Variants in PPP3CA observed in about 807,000 individuals in gnomAD.
PPP3CA encodes CAM-PRP catalytic subunit.
PPP3CA carries 14 observed loss-of-function variants against 66.5 expected under a neutral mutation model. The observed-to-expected ratio is 0.21, with a 90% CI of 0.14 to 0.33. PPP3CA has a LOEUF of 0.33. Among genes scored for constraint, PPP3CA ranks in the 10% least tolerant of loss-of-function variants. The probability of loss-of-function intolerance (pLI) is 1.00; values close to 1 mark genes in which losing one functional copy is unlikely to be tolerated. For synonymous variants in PPP3CA, 232 were observed against 226.2 expected (o/e 1.03, Z -0.23); for missense variants, 317 against 639.5 (o/e 0.50, Z 5.44).
At chr4:101,276,770 A>G (rs927534564) in intron 1 of PPP3CA, among the ~76,000 whole-genome samples, 25 of 152,210 alleles carry the variant, frequency 1.6e-4, no homozygotes, top group Non-Finnish European at 3.4e-4. Context: ...GTAAGTACAG[A>G]GTTCCCATTT....
intron 1 of PPP3CA, among the ~76,000 whole-genome samples, chr4:101,317,778 T>A (rs953429280): frequency 6.6e-6 from 1 of 152,184 alleles, no homozygotes; most frequent in African/African-American, 2.4e-5. Context: ...GCACATTGTT[T>A]AATGGTTAAA....
At chr4:101,226,027 G>A (rs1479406259) in intron 1 of PPP3CA, among the ~76,000 whole-genome samples, 1 of 151,708 alleles carries the variant, frequency 6.6e-6, no homozygotes, top group African/African-American at 2.4e-5. Flanking sequence ...TAGTAATGCT[G>A]ACATCCCTGA....
intron 1 of PPP3CA, among the ~76,000 whole-genome samples, chr4:101,218,802 G>A (rs867878725): frequency 2.3e-4 from 35 of 152,144 alleles, no homozygotes; most frequent in African/African-American, 7.5e-4. Flanking sequence ...GCAAGAAAAA[G>A]TGGCAAGTTT....
chr4:101,126,113 A>T (rs1049518650), intron 2 of PPP3CA, among the ~76,000 whole-genome samples: 89 of 152,248 alleles, frequency 5.8e-4, no homozygotes, highest in Non-Finnish European at 5.6e-4. Flanking sequence ...AGTTAAATTA[A>T]CACATGTAAT....
intron 1 of PPP3CA, among the ~76,000 whole-genome samples, chr4:101,278,801 C>A (rs1011309808): frequency 1.3e-5 from 2 of 152,170 alleles, no homozygotes; most frequent in South Asian, 4.1e-4. Flanking sequence ...TATATTTTCC[C>A]TACCATCCCT....
chr4:101,311,962 C>T (rs530767212), intron 1 of PPP3CA, among the ~76,000 whole-genome samples: 10 of 152,238 alleles, frequency 6.6e-5, no homozygotes, highest in East Asian at 5.8e-4. Context: ...AGGCTGAACT[C>T]TCTAATATCT....
intron 10 of PPP3CA, among the ~76,000 whole-genome samples, chr4:101,057,355 C>G (rs1429059994): frequency 6.6e-6 from 1 of 152,182 alleles, no homozygotes; most frequent in Non-Finnish European, 1.5e-5. Context: ...CTGCACCCAG[C>G]AAGATATACT....
At chr4:101,286,060 T>C (rs1727837504) in intron 1 of PPP3CA, among the ~76,000 whole-genome samples, 1 of 152,168 alleles carries the variant, frequency 6.6e-6, no homozygotes, top group Admixed American at 6.5e-5. Flanking sequence ...GATGAAACTG[T>C]TTCACCTCAG....
chr4:101,171,255 C>T (rs1306247015), intron 2 of PPP3CA: 3 of 455,152 alleles, frequency 6.6e-6, no homozygotes, highest in Non-Finnish European at 1.3e-5. Flanking sequence ...TTCAGACTTA[C>T]TGAATAACAA....
At chr4:101,307,440 C>T (rs577768038) in intron 1 of PPP3CA, among the ~76,000 whole-genome samples, 2 of 152,152 alleles carry the variant, frequency 1.3e-5, no homozygotes, top group African/African-American at 4.8e-5. Flanking sequence ...AAATCAGATA[C>T]GTCACCATAG....
intron 1 of PPP3CA, among the ~76,000 whole-genome samples, chr4:101,204,722 T>C (rs1725078772): frequency 6.6e-6 from 1 of 151,530 alleles, no homozygotes; most frequent in African/African-American, 2.4e-5. Context: ...ATTGCATACA[T>C]GGGCATGATA....
In PPP3CA at chr4:101,152,143, A is replaced by T. The variant is rs115028364; in HGVS notation, c.260-43065T>A. Among the ~76,000 whole-genome samples, 672 of 152,356 alleles carry T rather than the reference A, an allele frequency of 4.4e-3. 9 individuals are homozygous for T. Among genetic ancestry groups the T allele is most frequent in the African/African-American group, 0.016 (654 of 41,580 alleles). On this transcript the variant is annotated intron_variant, in intron 2 of 13. Transcript: ENST00000394854. ...TAGTATTCTAAATTTCTTTCTAAAT[A>T]TCCACAATTTAGTATTAAAGATGTT...
chr4:101,299,604 A>G (rs1251349199), intron 1 of PPP3CA, among the ~76,000 whole-genome samples: 1 of 152,106 alleles, frequency 6.6e-6, no homozygotes, highest in Admixed American at 6.5e-5. Flanking sequence ...CTATGTGTAT[A>G]TATGTATTTA....
intron 12 of PPP3CA, among the ~76,000 whole-genome samples, chr4:101,030,043 C>T (rs991551271): frequency 1.8e-4 from 27 of 151,942 alleles, no homozygotes; most frequent in African/African-American, 6.0e-4. Flanking sequence ...TATACAGAAA[C>T]AGCATATTTC....
At chr4:101,193,638 A>G (rs745369968) in intron 2 of PPP3CA, among the ~76,000 whole-genome samples, 3 of 152,186 alleles carry the variant, frequency 2.0e-5, no homozygotes, top group Admixed American at 6.6e-5. Flanking sequence ...GGACAGATGC[A>G]GGGAGTCAGG....
At chr4:101,332,788 A>G (rs1037728486) in intron 1 of PPP3CA, among the ~76,000 whole-genome samples, 1 of 152,200 alleles carries the variant, frequency 6.6e-6, no homozygotes, top group African/African-American at 2.4e-5. Flanking sequence ...AGATGGTTAC[A>G]TGACTTGCCC....
chr4:101,079,160 C>T (rs1044877579), intron 8 of PPP3CA, among the ~76,000 whole-genome samples: 37 of 152,124 alleles, frequency 2.4e-4, no homozygotes, highest in African/African-American at 8.0e-4. Context: ...TCAACAGGTG[C>T]TTGGGAATAA....
intron 1 of PPP3CA, among the ~76,000 whole-genome samples, chr4:101,290,983 T>G (rs1056170918): frequency 6.6e-6 from 1 of 152,226 alleles, no homozygotes; most frequent in African/African-American, 2.4e-5. Context: ...TTGGAGCTAC[T>G]ATAACCATTT....
At chr4:101,310,227 C>A (rs1560711216) in intron 1 of PPP3CA, among the ~76,000 whole-genome samples, 1 of 152,044 alleles carries the variant, frequency 6.6e-6, no homozygotes, top group African/African-American at 2.4e-5. Flanking sequence ...AGGCTTAAAT[C>A]GAAATACCAC....
Sources: gnomAD v4.1 joint callset for allele counts (sites outside exome capture counted in the v4.1 genomes callset) on GRCh38, gnomAD v4.1.1 for gene constraint, MANE v1.5 for transcripts, NCBI Gene and HGNC (gene_info 2026-07-23, HGNC 2026-07-21) for gene names.